Variants in CNTNAP2 observed in about 807,000 individuals in gnomAD.
The protein encoded by CNTNAP2 is contactin associated protein 2.
In CNTNAP2, 98 loss-of-function variants were observed where a neutral mutation model predicts 155.2. The observed-to-expected ratio is 0.63, with a 90% CI of 0.54 to 0.75. The LOEUF (loss-of-function observed/expected upper bound fraction) is 0.75. Ranked by LOEUF, CNTNAP2 falls within the 30% of genes least tolerant of loss-of-function variation. CNTNAP2 has a pLI of 0.00. For missense variants in CNTNAP2, 1,727 were observed against 1,688.1 expected, an observed-to-expected ratio of 1.02 and a Z score of -0.40; for synonymous variants, 651 against 631.2, an observed-to-expected ratio of 1.03 and a Z score of -0.47.
At chr7:147,220,677 G>A (rs1584800291) in intron 8 of CNTNAP2, among the ~76,000 whole-genome samples, 1 of 151,878 alleles carries the variant, frequency 6.6e-6, no homozygotes, top group Non-Finnish European at 1.5e-5. Context: ...ATGATTACGT[G>A]TTCTCTCCTC....
chr7:148,262,287 C>T (rs543226803), intron 20 of CNTNAP2, among the ~76,000 whole-genome samples: 2 of 152,214 alleles, frequency 1.3e-5, no homozygotes, highest in East Asian at 1.9e-4. Context: ...AAGAAATTGC[C>T]GGGAGAAAGA....
At chr7:148,305,980 G>A (rs913016998) in intron 21 of CNTNAP2, among the ~76,000 whole-genome samples, 6 of 151,952 alleles carry the variant, frequency 3.9e-5, no homozygotes, top group Admixed American at 3.3e-4. Flanking sequence ...TTTTAAAAAT[G>A]GAGCCATCCT....
intron 2 of CNTNAP2, among the ~76,000 whole-genome samples, chr7:146,834,707 T>G (rs2129199417): frequency 6.6e-6 from 1 of 152,340 alleles, no homozygotes; most frequent in Non-Finnish European, 1.5e-5. Flanking sequence ...TCTTAGGAAC[T>G]AAGAGTTTAT....
chr7:148,349,411 T>TTTTTC, intron 21 of CNTNAP2, among the ~76,000 whole-genome samples: 1 of 149,188 alleles, frequency 6.7e-6, no homozygotes, highest in South Asian at 2.2e-4. Context: ...ATCTCTCTTT[T>TTTTTC]TTTTTTTTGA....
chr7:148,116,485 G>A (rs1046627172), intron 15 of CNTNAP2, among the ~76,000 whole-genome samples: 12 of 152,050 alleles, frequency 7.9e-5, no homozygotes, highest in African/African-American at 2.4e-4. Context: ...CTCCAACCCC[G>A]CACCCCAGTA....
At chr7:148,015,410 G>A (rs1196329373) in intron 15 of CNTNAP2, among the ~76,000 whole-genome samples, 3 of 152,108 alleles carry the variant, frequency 2.0e-5, no homozygotes, top group African/African-American at 7.2e-5. Context: ...CCGCACAGTG[G>A]GCTCTGCTCC....
intron 3 of CNTNAP2, among the ~76,000 whole-genome samples, chr7:146,943,798 G>A (rs554278059): frequency 6.6e-6 from 1 of 152,246 alleles, no homozygotes; most frequent in East Asian, 1.9e-4. Context: ...AGAACTACAG[G>A]AGAACTGAGA....
At chr7:147,041,488 T>G (rs1191372016) in intron 3 of CNTNAP2, among the ~76,000 whole-genome samples, 1 of 152,194 alleles carries the variant, frequency 6.6e-6, no homozygotes, top group Non-Finnish European at 1.5e-5. Context: ...TGCCAACCTA[T>G]TCTTCAATAT....
chr7:146,881,857 C>T (rs1795559480), intron 3 of CNTNAP2, among the ~76,000 whole-genome samples: 1 of 148,558 alleles, frequency 6.7e-6, no homozygotes, highest in Non-Finnish European at 1.5e-5. Flanking sequence ...TGCAGCTTTG[C>T]TACAAAGGTA....
At chr7:147,813,922 G>A (rs1798220675) in intron 13 of CNTNAP2, among the ~76,000 whole-genome samples, 1 of 152,146 alleles carries the variant, frequency 6.6e-6, no homozygotes, top group South Asian at 2.1e-4. Context: ...AATTGTTTGG[G>A]CAATATGATG....
chr7:148,015,846 T>C (rs1802167382), intron 15 of CNTNAP2, among the ~76,000 whole-genome samples: 1 of 152,212 alleles, frequency 6.6e-6, no homozygotes, highest in African/African-American at 2.4e-5. Flanking sequence ...AGGTGAGAGA[T>C]TTCAACACTA....
At chr7:147,503,710 C>G (rs1056897883) in intron 11 of CNTNAP2, among the ~76,000 whole-genome samples, 4 of 151,672 alleles carry the variant, frequency 2.6e-5, no homozygotes, top group Non-Finnish European at 4.4e-5. Flanking sequence ...TTTTTGACAG[C>G]AATTAGTTCT....
At chr7:147,743,597 G>A (rs112808725) in intron 13 of CNTNAP2, among the ~76,000 whole-genome samples, 4,895 of 152,178 alleles carry the variant, frequency 0.032, 253 homozygotes, top group African/African-American at 0.11. Context: ...TCTGGTAATT[G>A]CGTTTCTGCT....
intron 3 of CNTNAP2, 105 bp downstream of exon 3, chr7:146,840,009 A>G (rs1203647501): frequency 2.3e-6 from 3 of 1,297,456 alleles, no homozygotes; most frequent in Non-Finnish European, 3.2e-6. Flanking sequence ...TATGTATTCA[A>G]ATCATTGGGA....
At chr7:147,574,962 G>A (rs150066611) in intron 12 of CNTNAP2, among the ~76,000 whole-genome samples, 162 of 152,202 alleles carry the variant, frequency 1.1e-3, no homozygotes, top group Middle Eastern at 0.01. Flanking sequence ...ATTCATGGTC[G>A]AAAGTTGGGT....
intron 3 of CNTNAP2, among the ~76,000 whole-genome samples, chr7:146,938,608 A>C (rs1796977876): frequency 6.6e-6 from 1 of 151,946 alleles, no homozygotes; most frequent in African/African-American, 2.4e-5. Context: ...TATTAATTTA[A>C]ATGTTAGATT....
At chr7:146,780,850 A>G (rs966131570) in intron 2 of CNTNAP2, among the ~76,000 whole-genome samples, 1 of 152,106 alleles carries the variant, frequency 6.6e-6, no homozygotes, top group African/African-American at 2.4e-5. Context: ...GGACGGGAAC[A>G]TAACACACCG....
In CNTNAP2 at chr7:147,857,616, G is replaced by A. The variant is rs71532705; in HGVS notation, c.2099-45949G>A. On this transcript the variant is annotated intron_variant, in intron 13 of 23. Transcript: ENST00000361727. ...AAATGGCCAAGAACTTGGCGTCAGA[G>A]GAAGTCCTGCTTTCGGTTGATTCTT... Among the ~76,000 whole-genome samples, 466 of 152,284 alleles carry A rather than the reference G, an allele frequency of 3.1e-3. 1 individual carries two copies. Among genetic ancestry groups the A allele is most frequent in the Non-Finnish European group, 5.5e-3 (371 of 68,024 alleles).
intron 1 of CNTNAP2, among the ~76,000 whole-genome samples, chr7:146,149,020 G>C (rs1177274514): frequency 1.3e-5 from 2 of 151,314 alleles, no homozygotes; most frequent in African/African-American, 4.9e-5. Flanking sequence ...ATCACACACC[G>C]GGGCCTGTTG....
Sources: gnomAD v4.1 joint callset for allele counts (sites outside exome capture counted in the v4.1 genomes callset) on GRCh38, gnomAD v4.1.1 for gene constraint, MANE v1.5 for transcripts, NCBI Gene and HGNC (gene_info 2026-07-23, HGNC 2026-07-21) for gene names.